The following TMEM132D variants were observed in gnomAD, a reference collection of about 807,000 sequenced individuals.
TMEM132D encodes transmembrane protein 132D.
TMEM132D carries 21 observed loss-of-function variants against 62.3 expected under a neutral mutation model. The observed-to-expected ratio is 0.34, with a 90% CI of 0.24 to 0.49. The LOEUF (loss-of-function observed/expected upper bound fraction) is 0.49. Among genes scored for constraint, TMEM132D ranks in the 20% least tolerant of loss-of-function variants. TMEM132D has a pLI of 0.99. For missense variants in TMEM132D, 1,346 were observed against 1,402.8 expected (o/e 0.96, Z 0.65); for synonymous variants, 621 against 575.6 (o/e 1.08, Z -1.13).
Position 129,129,015 on chromosome 12 carries a change from G to C in TMEM132D, c.1444-44313C>G, listed in dbSNP as rs115715241. 4.9e-3 allele frequency among the ~76,000 whole-genome samples: 748 copies of C among 152,150 alleles called. 5 individuals carry two copies. Among genetic ancestry groups the C allele is most frequent in the African/African-American group, 0.017 (713 of 41,486 alleles). On this transcript the variant is annotated intron_variant, in intron 5 of 8. Transcript: ENST00000422113. Reference sequence around the variant, plus strand: ...TTCTACTTTACTTTCAGATGCAGGGGATACATGTACGGGGTTTCTACTTGG... The same window carrying C: ...TTCTACTTTACTTTCAGATGCAGGGCATACATGTACGGGGTTTCTACTTGG...
At chr12:129,738,837 G>C (rs965979992) in intron 1 of TMEM132D, among the ~76,000 whole-genome samples, 2 of 152,166 alleles carry the variant, frequency 1.3e-5, no homozygotes, top group Non-Finnish European at 2.9e-5. Flanking sequence ...CATTCTGCGA[G>C]ATAACTTTAT....
chr12:129,704,729 G>C (rs756686605), intron 1 of TMEM132D, among the ~76,000 whole-genome samples: 27 of 152,134 alleles, frequency 1.8e-4, no homozygotes, highest in African/African-American at 5.6e-4. Flanking sequence ...GGCTGCCCTC[G>C]GTGAAGGATA....
intron 3 of TMEM132D, among the ~76,000 whole-genome samples, chr12:129,339,993 C>A (rs1342937142): frequency 6.6e-6 from 1 of 152,172 alleles, no homozygotes; most frequent in Non-Finnish European, 1.5e-5. Context: ...GCCTCCCACC[C>A]CACAGCCCCA....
At chr12:129,889,534 G>A (rs1197143600) in intron 1 of TMEM132D, among the ~76,000 whole-genome samples, 1 of 152,026 alleles carries the variant, frequency 6.6e-6, no homozygotes, top group Non-Finnish European at 1.5e-5. Context: ...TACCCCTTAG[G>A]CAATTTGAGA....
chr12:129,874,256 C>T (rs756670128), intron 1 of TMEM132D, among the ~76,000 whole-genome samples: 98 of 152,026 alleles, frequency 6.4e-4, no homozygotes, highest in Non-Finnish European at 1.0e-3. Flanking sequence ...AACATGATGA[C>T]GTACACCATA....
intron 5 of TMEM132D, among the ~76,000 whole-genome samples, chr12:129,132,202 ACT>A (rs1446525913): frequency 6.6e-6 from 1 of 152,088 alleles, no homozygotes; most frequent in Non-Finnish European, 1.5e-5. Flanking sequence ...TCAAAAGGAG[ACT>A]CTGTAATATC....
intron 3 of TMEM132D, among the ~76,000 whole-genome samples, chr12:129,398,299 C>A (rs1237325864): frequency 4.6e-5 from 7 of 152,148 alleles, no homozygotes; most frequent in Admixed American, 4.6e-4. Context: ...TGCCTGTTTT[C>A]CTCCCTGTGA....
chr12:129,677,637 C>T (rs570874692), intron 2 of TMEM132D, among the ~76,000 whole-genome samples: 127 of 152,210 alleles, frequency 8.3e-4, no homozygotes, highest in Non-Finnish European at 1.5e-3. Flanking sequence ...TACGTATATA[C>T]GTATTAGAAC....
intron 3 of TMEM132D, among the ~76,000 whole-genome samples, chr12:129,512,901 T>C (rs1875537124): frequency 6.6e-6 from 1 of 152,148 alleles, no homozygotes; most frequent in South Asian, 2.1e-4. Flanking sequence ...AGGAGTTCAT[T>C]AGAAGCAAGT....
rs761505490 is a variant in TMEM132D, at chr12:129,371,242, T to C, written c.1116-33425A>G. The stretch of plus-strand genomic sequence containing the variant: ...TAAATTATTGTTGTTACTGTGGTGA[T>C]GATGGTGGCAGTGATGATGATGATG... On this transcript the variant is annotated intron_variant, in intron 3 of 8. Transcript: ENST00000422113. This position sits in a 1 kb window ranked among gnomAD's most constrained non-coding sequence, Gnocchi z 4.3. 6.6e-6 allele frequency among the ~76,000 whole-genome samples: 1 copy of C among 152,194 alleles called. No homozygotes were observed. The highest frequency in any genetic ancestry group is 1.5e-5 in the Non-Finnish European group (1 of 68,032).
intron 4 of TMEM132D, among the ~76,000 whole-genome samples, chr12:129,328,145 G>T (rs1213358329): frequency 1.3e-5 from 2 of 152,214 alleles, no homozygotes; most frequent in African/African-American, 2.4e-5. Flanking sequence ...AACCTAGTCT[G>T]AAAGAGCACA....
At chr12:129,666,739 T>A (rs1311311876) in intron 2 of TMEM132D, among the ~76,000 whole-genome samples, 1 of 152,222 alleles carries the variant, frequency 6.6e-6, no homozygotes, top group Non-Finnish European at 1.5e-5. Context: ...TGCTTACTTA[T>A]CAGGTTTTTC....
chr12:129,555,671 A>T (rs2137109328), intron 2 of TMEM132D, among the ~76,000 whole-genome samples: 1 of 152,300 alleles, frequency 6.6e-6, no homozygotes, highest in South Asian at 2.1e-4. Context: ...AGGCCTTTTA[A>T]AGTTCTTAAT....
In TMEM132D at chr12:129,747,054, G is replaced by A. The variant is rs183330272; in HGVS notation, c.80-46356C>T. 1.4e-4 allele frequency among the ~76,000 whole-genome samples: 21 copies of A among 152,242 alleles called. No homozygotes were observed. The East Asian group carries it at 3.9e-3, about 28-fold the overall frequency. On this transcript the variant is annotated intron_variant, in intron 1 of 8. Transcript: ENST00000422113. The stretch of plus-strand genomic sequence containing the variant: ...CTCTGCACAGCAGCCAGAGTGAATC[G>A]TTAAGAGGTCAATCAGTTCGTGGAG...
chr12:129,744,019 C>G (rs970633594), intron 1 of TMEM132D, among the ~76,000 whole-genome samples: 9 of 152,186 alleles, frequency 5.9e-5, no homozygotes, highest in African/African-American at 2.2e-4. Flanking sequence ...GGAACCTATA[C>G]AGCTATCTAC....
chr12:129,792,215 C>T (rs1486638209), intron 1 of TMEM132D, among the ~76,000 whole-genome samples: 2 of 152,144 alleles, frequency 1.3e-5, no homozygotes, highest in Admixed American at 6.5e-5. Flanking sequence ...TGTTGCTTTC[C>T]TTTTTATTGC....
chr12:129,874,138 A>G (rs1244594418), intron 1 of TMEM132D, among the ~76,000 whole-genome samples: 1 of 152,248 alleles, frequency 6.6e-6, no homozygotes, highest in African/African-American at 2.4e-5. Flanking sequence ...GAAATTCACT[A>G]AGAAAGTAAA....
intron 2 of TMEM132D, among the ~76,000 whole-genome samples, chr12:129,583,805 C>T (rs1427426700): frequency 6.6e-6 from 1 of 152,178 alleles, no homozygotes; most frequent in Non-Finnish European, 1.5e-5. Flanking sequence ...GATGTAGCAG[C>T]TTCATAGGCT....
chr12:129,505,541 C>T (rs1002241018), intron 3 of TMEM132D, among the ~76,000 whole-genome samples: 1 of 152,142 alleles, frequency 6.6e-6, no homozygotes, highest in African/African-American at 2.4e-5. Context: ...CCACGCCTGG[C>T]CTGTTCCAAG....
Sources: allele counts gnomAD v4.1 joint callset (sites outside exome capture counted in the v4.1 genomes callset), GRCh38; gene constraint gnomAD v4.1.1; non-coding constraint Gnocchi (gnomAD v3.1); transcripts MANE v1.5; gene names NCBI Gene and HGNC (gene_info 2026-07-23, HGNC 2026-07-21).